Variants in ACTR1A observed in about 807,000 individuals in gnomAD.
ACTR1A encodes the protein actin related protein 1A, also known as alpha-centractin.
Under a neutral mutation model 50.7 loss-of-function variants are expected in ACTR1A, and 10 were observed. The observed-to-expected ratio is 0.20, with a 90% confidence interval of 0.12 to 0.33. ACTR1A has a LOEUF of 0.33. Ranked by LOEUF, ACTR1A falls within the 10% of genes least tolerant of loss-of-function variation. The pLI, the probability that ACTR1A is intolerant of heterozygous loss-of-function variation, is 1.00. For missense variants in ACTR1A, 253 were observed against 491.7 expected, an observed-to-expected ratio of 0.51 and a Z score of 4.59; for synonymous variants, 177 against 184.2, an observed-to-expected ratio of 0.96 and a Z score of 0.32.
In ACTR1A at chr10:102,495,420, T is replaced by C. The variant is rs1014740372; in HGVS notation, c.49-4807A>G. Reference sequence around the variant, plus strand: ...CCGTCTTCACTAAAAGTACAAAAAATTAGCCGGGTGAAGTGGTGGGCGCCT... The same window carrying C: ...CCGTCTTCACTAAAAGTACAAAAAACTAGCCGGGTGAAGTGGTGGGCGCCT... On this transcript the variant is annotated intron_variant, in intron 1 of 10. Transcript: ENST00000369905. Among the ~76,000 whole-genome samples, 4 of 152,024 alleles carry C rather than the reference T, an allele frequency of 2.6e-5. No individual in the cohort carries two copies. In the South Asian group the frequency reaches 8.3e-4, roughly 32 times the overall value.
intron 1 of ACTR1A, among the ~76,000 whole-genome samples, chr10:102,496,084 T>C (rs1187699494): frequency 3.3e-5 from 5 of 152,068 alleles, no homozygotes; most frequent in Non-Finnish European, 7.4e-5. Context: ...TAGCTGGGAC[T>C]ACAGGTGCCC....
intron 1 of ACTR1A, among the ~76,000 whole-genome samples, chr10:102,493,750 T>C (rs6584504): frequency 0.35 from 53,502 of 152,176 alleles, 9,573 homozygotes; most frequent in African/African-American, 0.39. Context: ...AAATACATTT[T>C]GGCAGTATCT....
chr10:102,485,590 C>T lies in ACTR1A; in HGVS notation c.440+19G>A. 1 of 1,612,824 alleles carries T rather than the reference C, an allele frequency of 6.2e-7. No homozygotes were observed. The highest frequency in any genetic ancestry group is 8.5e-7 in the Non-Finnish European group (1 of 1,179,532). On this transcript the variant is annotated intron_variant, in intron 5 of 10. Coordinates refer to ENST00000369905, the MANE Select transcript of ACTR1A (RefSeq NM_005736.4). ...GACTGCTTTCCCCGCAGGGGCCGGG[C>T]TAGCCAGCTGCTACTCACAGGCTGA...
At chr10:102,481,060 T>TTTAGAGGGTGCTGAG (rs2062137667) in intron 10 of ACTR1A, 72 bp downstream of exon 10, 1 of 1,589,876 alleles carries the variant, frequency 6.3e-7, no homozygotes, top group Admixed American at 1.7e-5. Flanking sequence ...CAGGCTTTTC[T>TTTAGAGGGTGCTGAG]TTAGAGGGTG....
At chr10:102,502,341 T>C (rs1222441921) in intron 1 of ACTR1A, among the ~76,000 whole-genome samples, 1 of 152,242 alleles carries the variant, frequency 6.6e-6, no homozygotes, top group African/African-American at 2.4e-5. Context: ...TTAAGGCCCC[T>C]AGAGCCAAGG....
chr10:102,497,842 C>T (rs1256395385), intron 1 of ACTR1A, among the ~76,000 whole-genome samples: 3 of 150,382 alleles, frequency 2.0e-5, no homozygotes, highest in African/African-American at 7.4e-5. Flanking sequence ...CCTGTAATAC[C>T]AGCACTTTGG....
rs570232424 is a variant in ACTR1A at position 102,482,869 on chromosome 10, G to A, written c.750+142C>T. The A allele has an allele frequency of 1.7e-5, 12 of 691,396 alleles. No individual in the cohort carries two copies. The highest frequency in any genetic ancestry group is 7.4e-5 in the East Asian group (3 of 40,326). 42.8% of individuals were successfully genotyped at this position (691,396 alleles called of 1,614,324 possible). A position where few individuals can be genotyped will look rare whatever the true frequency, so the allele number is the denominator to read the frequency against. The stretch of plus-strand genomic sequence containing the variant: ...CTTACTGAAAGCCATCCTGGGCCAC[G>A]TGCAGCCCATGGGCCAGGGGTTGGA... On this transcript the variant is annotated intron_variant, in intron 7 of 10. Transcript: ENST00000369905. This position sits in a 1 kb window ranked among gnomAD's most constrained non-coding sequence, Gnocchi z 5.6.
intron 10 of ACTR1A, 65 bp from the exon 11 acceptor site, chr10:102,481,030 C>T (rs2062137380): frequency 2.5e-6 from 4 of 1,576,346 alleles, no homozygotes; most frequent in African/African-American, 1.4e-5. Context: ...GCCTACCAGT[C>T]CCCTGGGGCC....
chr10:102,500,853 G>A (rs1255419705), intron 1 of ACTR1A, among the ~76,000 whole-genome samples: 3 of 151,898 alleles, frequency 2.0e-5, no homozygotes, highest in African/African-American at 7.3e-5. Flanking sequence ...TAGGAGAATC[G>A]CAACAGCCCA....
intron 4 of ACTR1A, among the ~76,000 whole-genome samples, chr10:102,487,877 C>T (rs186101037): frequency 2.6e-5 from 4 of 152,140 alleles, no homozygotes; most frequent in South Asian, 2.1e-4. Context: ...GTGATCCACC[C>T]GCCTCGGCCT....
chr10:102,481,950 C>T, intron 8 of ACTR1A, 51 bp downstream of exon 8: 1 of 1,613,758 alleles, frequency 6.2e-7, no homozygotes, highest in South Asian at 1.1e-5. Context: ...TGCCTGGAGC[C>T]AGCAGGAGCT....
At position 102,488,745 on chromosome 10, in the gene ACTR1A, G is replaced by T. The variant is rs1276514138; in HGVS notation, c.189+318C>A. Among the ~76,000 whole-genome samples the T allele has an allele frequency of 6.6e-6, 1 of 151,974 alleles. No individual in the cohort carries two copies. The highest frequency in any genetic ancestry group is 2.4e-5 in the African/African-American group (1 of 41,390). ...AGGATCTCCCCACTGAATATTTTTTGTGAAAAAAATAATAAACACAGTAAA... is the reference window on the plus strand; with the variant it reads ...AGGATCTCCCCACTGAATATTTTTTTTGAAAAAAATAATAAACACAGTAAA... On this transcript the variant is annotated intron_variant, in intron 3 of 10. Coordinates refer to ENST00000369905, the MANE Select transcript of ACTR1A (RefSeq NM_005736.4). The surrounding 1 kb of genome is among the most constrained non-coding windows in gnomAD (Gnocchi z 4.4).
rs2062152757 is a variant in ACTR1A, at chr10:102,483,361, T to C, written c.658-258A>G. 4 of 441,498 alleles carry C rather than the reference T, an allele frequency of 9.1e-6. No individual in the cohort carries two copies. The South Asian group carries it at 9.3e-5, about 10-fold the overall frequency. The allele number at this position is 441,498 out of a possible 1,614,324, so 27.3% of individuals were successfully genotyped here. A position where few individuals can be genotyped will look rare whatever the true frequency, so the allele number is the denominator to read the frequency against. On this transcript the variant is annotated intron_variant, in intron 6 of 10. Transcript: ENST00000369905. ...AAACTTGGCCCCTGGATCCTAGGTC[T>C]GAGACCACAACCTAAGTTCAGCCCA...
In ACTR1A at chr10:102,479,755, A is replaced by G; in HGVS notation, c.*1108T>C. On this transcript the variant is annotated 3_prime_UTR_variant, in exon 11 of 11. Coordinates refer to ENST00000369905, the MANE Select transcript of ACTR1A (RefSeq NM_005736.4). The surrounding 1 kb of genome is among the most constrained non-coding windows in gnomAD (Gnocchi z 4.0). ...TAAATTGCAGCTTTCTCCAGTCTTA[A>G]GGGCACTGGCTCTCCAACACCCCTC... is the stretch of plus-strand genomic sequence containing the variant. The G allele has an allele frequency of 8.7e-7, 1 of 1,145,630 alleles. No homozygotes were observed. The highest frequency in any genetic ancestry group is 1.3e-5 in the South Asian group (1 of 75,246). The allele number at this position is 1,145,630 out of a possible 1,614,324, so 71.0% of individuals were successfully genotyped here. A position where few individuals can be genotyped will look rare whatever the true frequency, so the allele number is the denominator to read the frequency against.
intron 2 of ACTR1A, 44 bp downstream of exon 2, chr10:102,490,505 A>C: frequency 6.5e-7 from 1 of 1,540,768 alleles, no homozygotes; most frequent in Non-Finnish European, 9.0e-7. Flanking sequence ...GCCTGTAACA[A>C]AGCTGATGAG....
chr10:102,491,316 T>C (rs934968620), intron 1 of ACTR1A, among the ~76,000 whole-genome samples: 1 of 152,196 alleles, frequency 6.6e-6, no homozygotes, highest in Non-Finnish European at 1.5e-5. Context: ...TACGCCACCC[T>C]GGGGTGCTTT....
intron 1 of ACTR1A, among the ~76,000 whole-genome samples, chr10:102,499,465 G>GA (rs764788780): frequency 2.6e-5 from 4 of 151,516 alleles, no homozygotes; most frequent in African/African-American, 7.3e-5. Context: ...CCCAGAGGGG[G>GA]AAAAAAAAGA....
intron 4 of ACTR1A, among the ~76,000 whole-genome samples, chr10:102,487,854 A>C (rs1389027713): frequency 6.6e-6 from 1 of 151,854 alleles, no homozygotes; most frequent in Non-Finnish European, 1.5e-5. Flanking sequence ...GATGGTCTCG[A>C]TCTCCTGACC....
chr10:102,485,856 A>G, intron 4 of ACTR1A, 123 bp from the exon 5 acceptor site: 1 of 1,384,558 alleles, frequency 7.2e-7, no homozygotes, highest in South Asian at 1.3e-5. Context: ...CCTCACTCCA[A>G]AAAAAGGCAA....
Sources: gnomAD v4.1 joint callset for allele counts (sites outside exome capture counted in the v4.1 genomes callset) on GRCh38, gnomAD v4.1.1 for gene constraint, Gnocchi (gnomAD v3.1) non-coding constraint, MANE v1.5 for transcripts, NCBI Gene and HGNC (gene_info 2026-07-23, HGNC 2026-07-21) for gene names.